Variants in RANBP2 observed in about 807,000 individuals in gnomAD.
The protein encoded by RANBP2 is E3 SUMO-protein ligase RanBP2.
In RANBP2, 57 loss-of-function variants were observed where a neutral mutation model predicts 303.6. That is an observed-to-expected ratio of 0.19 (90% confidence interval 0.15 to 0.23). RANBP2 has a LOEUF of 0.23. Among genes scored for constraint, RANBP2 ranks in the 10% least tolerant of loss-of-function variants. The probability of loss-of-function intolerance (pLI) is 1.00; values close to 1 mark genes in which losing one functional copy is unlikely to be tolerated. For synonymous variants in RANBP2, 1,167 were observed against 1,301.5 expected, an observed-to-expected ratio of 0.90 and a Z score of 2.23; for missense variants, 3,138 against 3,780.8, an observed-to-expected ratio of 0.83 and a Z score of 4.46.
chr2:109,689,357 T>C, the RANBP2 span, among the ~76,000 whole-genome samples: 1 of 151,812 alleles, frequency 6.6e-6, no homozygotes, highest in African/African-American at 2.4e-5. Flanking sequence ...TGCACATAGG[T>C]TGGGGGACAT....
At chr2:109,377,034 C>A in the RANBP2 span, among the ~76,000 whole-genome samples, 1 of 152,372 alleles carries the variant, frequency 6.6e-6, no homozygotes, top group South Asian at 2.1e-4. Context: ...CGCTCAGAGT[C>A]CGGGCTATTT....
the RANBP2 span, among the ~76,000 whole-genome samples, chr2:109,483,412 C>T: frequency 5.3e-5 from 8 of 152,214 alleles, no homozygotes; most frequent in Admixed American, 2.6e-4. Flanking sequence ...CCCACTGGAG[C>T]GTATGCTCTC....
chr2:109,601,433 T>C, the RANBP2 span, among the ~76,000 whole-genome samples: 1 of 152,252 alleles, frequency 6.6e-6, no homozygotes, highest in African/African-American at 2.4e-5. Flanking sequence ...ATTAACAATT[T>C]TTAAATTTCT....
the RANBP2 span, among the ~76,000 whole-genome samples, chr2:108,887,352 T>G: frequency 6.6e-6 from 1 of 152,152 alleles, no homozygotes; most frequent in Non-Finnish European, 1.5e-5. Context: ...CAGGATGACT[T>G]TGAGCTCTTT....
chr2:109,374,220 C>A, the RANBP2 span, among the ~76,000 whole-genome samples: 1 of 152,192 alleles, frequency 6.6e-6, no homozygotes, highest in East Asian at 1.9e-4. Flanking sequence ...GACCTCCTCC[C>A]AAGCATCCTT....
the RANBP2 span, chr2:109,544,064 C>G: frequency 7.9e-7 from 1 of 1,264,766 alleles, no homozygotes; most frequent in Non-Finnish European, 1.1e-6. Flanking sequence ...CAAAAAGATT[C>G]AGATTTTGAA....
the RANBP2 span, among the ~76,000 whole-genome samples, chr2:109,194,489 CAGGT>C: frequency 4.6e-5 from 7 of 152,226 alleles, no homozygotes; most frequent in Admixed American, 1.3e-4. Flanking sequence ...AGTCCTCTGA[CAGGT>C]GGGTGGTGCG....
At chr2:109,141,456 C>T in the RANBP2 span, 13 of 154,416 alleles carry the variant, frequency 8.4e-5, no homozygotes, top group Admixed American at 3.9e-4. Context: ...GAGACCTCTG[C>T]AGCACCTAGG....
At chr2:109,113,115 G>A in the RANBP2 span, among the ~76,000 whole-genome samples, 4 of 152,198 alleles carry the variant, frequency 2.6e-5, no homozygotes, top group South Asian at 2.1e-4. Context: ...TTGGCAATGC[G>A]GGCCCTTTTT....
chr2:109,706,866 A>T, the RANBP2 span, among the ~76,000 whole-genome samples: 3 of 152,156 alleles, frequency 2.0e-5, no homozygotes. Context: ...CACTTTCCAC[A>T]GCAGGAAGCC....
chr2:109,490,761 A>T, the RANBP2 span: 4 of 1,536,604 alleles, frequency 2.6e-6, no homozygotes, highest in Non-Finnish European at 3.5e-6. Context: ...CTCACTGTCC[A>T]TCCACGGCAG....
the RANBP2 span, among the ~76,000 whole-genome samples, chr2:109,697,143 T>A: frequency 6.6e-6 from 1 of 152,188 alleles, no homozygotes; most frequent in South Asian, 2.1e-4. Context: ...GGTTTGCACT[T>A]CTTTTGTTTG....
At chr2:109,443,366 A>C in the RANBP2 span, among the ~76,000 whole-genome samples, 4 of 152,130 alleles carry the variant, frequency 2.6e-5, no homozygotes, top group African/African-American at 9.7e-5. Flanking sequence ...TCCTCCTGTC[A>C]TCTCTGTGTG....
At chr2:109,475,316 G>T in the RANBP2 span, among the ~76,000 whole-genome samples, 2 of 152,214 alleles carry the variant, frequency 1.3e-5, no homozygotes, top group Non-Finnish European at 2.9e-5. Context: ...CAGGACTATT[G>T]TGTCTGCCAA....
the RANBP2 span, among the ~76,000 whole-genome samples, chr2:109,020,605 A>T: frequency 6.6e-6 from 1 of 152,240 alleles, no homozygotes; most frequent in African/African-American, 2.4e-5. Flanking sequence ...GAAACCCCAC[A>T]ATGATATTAA....
chr2:109,574,745 T>A, the RANBP2 span: 3 of 1,594,714 alleles, frequency 1.9e-6, no homozygotes, highest in Non-Finnish European at 2.6e-6. Flanking sequence ...TGAGCATCTA[T>A]GTAGTCAACT....
chr2:109,726,286 G>C, the RANBP2 span, among the ~76,000 whole-genome samples: 1 of 151,696 alleles, frequency 6.6e-6, no homozygotes, highest in Admixed American at 6.6e-5. Flanking sequence ...CTTGCACGCC[G>C]GTAGTCCCAG....
At chr2:109,361,829 T>C in the RANBP2 span, among the ~76,000 whole-genome samples, 1 of 152,234 alleles carries the variant, frequency 6.6e-6, no homozygotes, top group Non-Finnish European at 1.5e-5. Context: ...TAAGGAATTG[T>C]TCCATTTCAT....
the RANBP2 span, among the ~76,000 whole-genome samples, chr2:109,619,948 C>G: frequency 6.6e-6 from 1 of 152,120 alleles, no homozygotes; most frequent in Admixed American, 6.6e-5. Flanking sequence ...TCTCAAGATA[C>G]AGAAGTCATG....
Sources: allele counts gnomAD v4.1 joint callset (sites outside exome capture counted in the v4.1 genomes callset), GRCh38; gene constraint gnomAD v4.1.1; transcripts MANE v1.5; gene names NCBI Gene and HGNC (gene_info 2026-07-23, HGNC 2026-07-21).